The following BFSP2 variants were observed in gnomAD, a reference collection of about 807,000 sequenced individuals.
BFSP2 encodes beaded filament structural protein 2, also known as phakinin.
BFSP2 carries 38 observed loss-of-function variants against 44.9 expected under a neutral mutation model. The observed-to-expected ratio is 0.85, with a 90% CI of 0.65 to 1.11. The LOEUF is 1.11. Ranked by LOEUF, BFSP2 falls within the 50% of genes least tolerant of loss-of-function variation. The pLI, the probability that BFSP2 is intolerant of heterozygous loss-of-function variation, is 0.00. For synonymous variants in BFSP2, 197 were observed against 209.9 expected (o/e 0.94, Z 0.53); for missense variants, 525 against 533.0 (o/e 0.99, Z 0.15).
intron 1 of BFSP2, among the ~76,000 whole-genome samples, chr3:133,425,332 C>T (rs980089436): frequency 6.6e-6 from 1 of 152,210 alleles, no homozygotes. Flanking sequence ...ATGCCAAGCA[C>T]TGTGCTGGGC....
intron 1 of BFSP2, among the ~76,000 whole-genome samples, chr3:133,434,185 A>T (rs1410706918): frequency 6.6e-6 from 1 of 152,186 alleles, no homozygotes; most frequent in African/African-American, 2.4e-5. Flanking sequence ...GCACTCACTA[A>T]TCAGATGTCC....
intron 5 of BFSP2, among the ~76,000 whole-genome samples, chr3:133,469,478 G>A (rs908622017): frequency 5.3e-5 from 8 of 152,222 alleles, no homozygotes; most frequent in South Asian, 2.1e-4. Context: ...GCTGAACTCT[G>A]TGTCCAGTCA....
intron 4 of BFSP2, among the ~76,000 whole-genome samples, chr3:133,455,949 T>G (rs923063247): frequency 3.9e-5 from 6 of 152,312 alleles, no homozygotes; most frequent in South Asian, 4.1e-4. Context: ...CCATTCAATT[T>G]CCATTTGCCC....
intron 1 of BFSP2, among the ~76,000 whole-genome samples, chr3:133,446,392 G>A (rs2107921606): frequency 1.3e-5 from 2 of 151,512 alleles, no homozygotes; most frequent in East Asian, 2.0e-4. Flanking sequence ...CTGCACTCCA[G>A]CCTGGGCAAC....
intron 4 of BFSP2, among the ~76,000 whole-genome samples, chr3:133,458,617 C>G (rs2074034464): frequency 6.6e-6 from 1 of 152,160 alleles, no homozygotes; most frequent in South Asian, 2.1e-4. Flanking sequence ...ATCACTTGAA[C>G]CCAGGAGGTG....
At chr3:133,430,462 A>G (rs1378549223) in intron 1 of BFSP2, among the ~76,000 whole-genome samples, 1 of 152,030 alleles carries the variant, frequency 6.6e-6, no homozygotes, top group Non-Finnish European at 1.5e-5. Flanking sequence ...CTGGTGTGAG[A>G]TGGTATCTCA....
intron 1 of BFSP2, among the ~76,000 whole-genome samples, chr3:133,411,023 C>T (rs1282057610): frequency 6.6e-6 from 1 of 152,076 alleles, no homozygotes; most frequent in East Asian, 1.9e-4. Context: ...CTGTTAGCTC[C>T]CCTCTTGGGA....
chr3:133,457,626 C>T (rs1231733763), intron 4 of BFSP2, among the ~76,000 whole-genome samples: 1 of 151,952 alleles, frequency 6.6e-6, no homozygotes, highest in Non-Finnish European at 1.5e-5. Context: ...GATATTATAC[C>T]ACAGGGGGCA....
intron 1 of BFSP2, among the ~76,000 whole-genome samples, chr3:133,428,935 C>T (rs1250419733): frequency 1.3e-5 from 2 of 152,246 alleles, no homozygotes; most frequent in South Asian, 2.1e-4. Context: ...TTTATGCGAT[C>T]GATCTCATTC....
intron 6 of BFSP2, among the ~76,000 whole-genome samples, chr3:133,473,836 GAA>G (rs1411685498): frequency 4.6e-5 from 7 of 152,154 alleles, no homozygotes; most frequent in African/African-American, 1.7e-4. Flanking sequence ...AGAACAAAAT[GAA>G]AAGTCAAAAG....
At chr3:133,471,391 G>A (rs1368010726) in intron 5 of BFSP2, among the ~76,000 whole-genome samples, 2 of 152,198 alleles carry the variant, frequency 1.3e-5, no homozygotes, top group African/African-American at 4.8e-5. Flanking sequence ...CATTTGGAAG[G>A]AAGAGAAGGA....
rs190619931 is a variant in BFSP2, at chr3:133,400,491, G to A, written c.408G>A (p.Leu136=). 1.2e-6 allele frequency: 2 copies of A among 1,614,018 alleles called. No homozygotes were observed. Among genetic ancestry groups the A allele is most frequent in the East Asian group, 4.5e-5 (2 of 44,874 alleles). Residue 136 remains leucine, a synonymous_variant, in exon 1 of 7, where the codon CTG becomes CTA. Transcript: ENST00000302334. This position sits in a 1 kb window ranked among gnomAD's most constrained non-coding sequence, Gnocchi z 4.0. The part of the protein sequence containing the change: ...EQVSQELETQ[L]RMHLESKATR... The stretch of plus-strand genomic sequence containing the variant: ...TCAGTCAGGAGCTGGAAACACAACT[G>A]CGGATGCACCTGGAGAGCAAAGCCA...
At chr3:133,410,734 C>A in intron 1 of BFSP2, 1 of 242,236 alleles carries the variant, frequency 4.1e-6, no homozygotes. Flanking sequence ...GAGCTGTCCT[C>A]TGAGCGCTAC....
chr3:133,446,599 T>A (rs1180947753), intron 1 of BFSP2, among the ~76,000 whole-genome samples: 2 of 34,464 alleles, frequency 5.8e-5, no homozygotes, highest in African/African-American at 2.9e-4. Flanking sequence ...TATATATATA[T>A]ATATATATAT....
intron 4 of BFSP2, among the ~76,000 whole-genome samples, chr3:133,464,659 T>TAC (rs1192109588): frequency 6.6e-5 from 2 of 30,408 alleles, no homozygotes; most frequent in African/African-American, 2.5e-4. Flanking sequence ...TTGGAAAATA[T>TAC]ATAGTCAGTG....
intron 1 of BFSP2, chr3:133,410,399 A>G: frequency 3.3e-6 from 1 of 303,584 alleles, no homozygotes; most frequent in Non-Finnish European, 6.4e-6. Flanking sequence ...CCAGAGAAAA[A>G]TGTCAGCATG....
At chr3:133,466,612 T>C (rs1221329357) in intron 4 of BFSP2, among the ~76,000 whole-genome samples, 3 of 135,146 alleles carry the variant, frequency 2.2e-5, no homozygotes, top group Non-Finnish European at 4.6e-5. Context: ...GAGGAGGAAG[T>C]TGTGGTGAGC....
intron 1 of BFSP2, among the ~76,000 whole-genome samples, chr3:133,416,133 C>T (rs868428247): frequency 1.0e-4 from 15 of 148,304 alleles, no homozygotes; most frequent in African/African-American, 3.8e-4. Context: ...TCACTCTACT[C>T]ACCCCTGCCC....
chr3:133,468,181 A>C (rs1167258686), intron 5 of BFSP2, among the ~76,000 whole-genome samples: 1 of 151,490 alleles, frequency 6.6e-6, no homozygotes, highest in Admixed American at 6.6e-5. Flanking sequence ...CCTGCCTCCA[A>C]AGAGTTAATG....
Sources: allele counts gnomAD v4.1 joint callset (sites outside exome capture counted in the v4.1 genomes callset), GRCh38; gene constraint gnomAD v4.1.1; non-coding constraint Gnocchi (gnomAD v3.1); transcripts MANE v1.5; gene names NCBI Gene and HGNC (gene_info 2026-07-23, HGNC 2026-07-21).